Variants in SLC24A2 observed in about 807,000 individuals in gnomAD.
SLC24A2 encodes the protein solute carrier family 24 member 2.
In SLC24A2, 36 loss-of-function variants were observed where a neutral mutation model predicts 62.0. The observed-to-expected ratio is 0.58, with a 90% CI of 0.44 to 0.77. The LOEUF is 0.77. Ranked by LOEUF, SLC24A2 falls within the 30% of genes least tolerant of loss-of-function variation. SLC24A2 has a pLI of 0.00. For missense variants in SLC24A2, 846 were observed against 817.9 expected, an observed-to-expected ratio of 1.03 and a Z score of -0.42; for synonymous variants, 358 against 294.0, an observed-to-expected ratio of 1.22 and a Z score of -2.23.
chr9:20,030,586 C>T, the SLC24A2 span, among the ~76,000 whole-genome samples: 1 of 152,210 alleles, frequency 6.6e-6, no homozygotes, highest in African/African-American at 2.4e-5. Flanking sequence ...ATACTCACAA[C>T]TTTCTGGACA....
At chr9:19,521,839 G>C in intron 9 of SLC24A2, among the ~76,000 whole-genome samples, 1 of 151,714 alleles carries the variant, frequency 6.6e-6, no homozygotes, top group Non-Finnish European at 1.5e-5. Context: ...TGAAAAGCAA[G>C]GGGAGGGTGG....
At chr9:19,881,422 T>C in the SLC24A2 span, among the ~76,000 whole-genome samples, 1 of 152,142 alleles carries the variant, frequency 6.6e-6, no homozygotes, top group Non-Finnish European at 1.5e-5. Context: ...TTAGGCTACA[T>C]AGAGATTTTA....
chr9:19,516,824 T>C (rs1313934126), intron 10 of SLC24A2, among the ~76,000 whole-genome samples: 1 of 151,756 alleles, frequency 6.6e-6, no homozygotes, highest in African/African-American at 2.4e-5. Context: ...GTGGTGAAAA[T>C]GAGGAAAAAA....
At chr9:19,883,568 ATTG>A in the SLC24A2 span, among the ~76,000 whole-genome samples, 2 of 40,378 alleles carry the variant, frequency 5.0e-5, no homozygotes, top group African/African-American at 2.0e-4. Flanking sequence ...GTTTCTGTAC[ATTG>A]TTTTTTTTTT....
chr9:19,531,692 A>ACCCCCCCCCCCCCCC (rs141054914), intron 8 of SLC24A2, among the ~76,000 whole-genome samples: 6 of 121,186 alleles, frequency 5.0e-5, no homozygotes, highest in South Asian at 3.5e-4. Context: ...TTTAACAAAG[A>ACCCCCCCCCCCCCCC]CCCCCCCCCA....
intron 2 of SLC24A2, among the ~76,000 whole-genome samples, chr9:19,780,510 C>A (rs1822981871): frequency 1.3e-5 from 2 of 151,688 alleles, no homozygotes; most frequent in Non-Finnish European, 2.9e-5. Context: ...TTGTGATGCA[C>A]CTGCCTCGGC....
At chr9:19,690,636 C>T (rs1376495804) in intron 2 of SLC24A2, among the ~76,000 whole-genome samples, 2 of 152,146 alleles carry the variant, frequency 1.3e-5, no homozygotes, top group Non-Finnish European at 2.9e-5. Context: ...CTGCCTGAGG[C>T]CTCCTTAGAT....
At chr9:19,865,250 C>G in the SLC24A2 span, among the ~76,000 whole-genome samples, 2 of 151,912 alleles carry the variant, frequency 1.3e-5, no homozygotes, top group Non-Finnish European at 2.9e-5. Flanking sequence ...TTAAAATGTC[C>G]ATACTATCCA....
chr9:19,902,699 G>T, the SLC24A2 span, among the ~76,000 whole-genome samples: 1 of 152,050 alleles, frequency 6.6e-6, no homozygotes, highest in Admixed American at 6.6e-5. Context: ...ATCACATATC[G>T]ATGAATATTA....
intron 2 of SLC24A2, among the ~76,000 whole-genome samples, chr9:19,771,301 T>A (rs1822680120): frequency 6.6e-6 from 1 of 152,230 alleles, no homozygotes. Context: ...CAACACTATC[T>A]TGTCCTGTTC....
chr9:20,222,331 T>C, the SLC24A2 span, among the ~76,000 whole-genome samples: 12 of 151,866 alleles, frequency 7.9e-5, no homozygotes, highest in African/African-American at 2.7e-4. Context: ...AATGAAAGGA[T>C]AGAAATAAAC....
intron 2 of SLC24A2, among the ~76,000 whole-genome samples, chr9:19,660,745 G>A (rs1353880391): frequency 6.6e-6 from 1 of 152,168 alleles, no homozygotes; most frequent in Admixed American, 6.6e-5. Flanking sequence ...AAAGGAAAGT[G>A]TATTCTAGAA....
chr9:19,608,805 C>A (rs923875332), intron 4 of SLC24A2, among the ~76,000 whole-genome samples: 3 of 152,058 alleles, frequency 2.0e-5, no homozygotes, highest in Non-Finnish European at 4.4e-5. Flanking sequence ...CACACACACA[C>A]ACACACACGC....
intron 7 of SLC24A2, among the ~76,000 whole-genome samples, chr9:19,562,235 CAT>C (rs1226221726): frequency 6.6e-6 from 1 of 151,984 alleles, no homozygotes; most frequent in Non-Finnish European, 1.5e-5. Flanking sequence ...ACTGGAGAAA[CAT>C]AAAAAATAAT....
chr9:20,202,021 CT>C, the SLC24A2 span, among the ~76,000 whole-genome samples: 1 of 150,900 alleles, frequency 6.6e-6, no homozygotes, highest in Non-Finnish European at 1.5e-5. Flanking sequence ...TCGCCAGAAT[CT>C]TTTTCTAGCC....
chr9:19,565,534 C>T (rs9695026), intron 7 of SLC24A2, among the ~76,000 whole-genome samples: 137,566 of 149,386 alleles, frequency 0.92, 63,424 homozygotes, highest in East Asian at 1. Context: ...AAAATGGCCA[C>T]ACTGCCCAAG....
At chr9:19,533,003 T>C (rs1271582278) in intron 8 of SLC24A2, among the ~76,000 whole-genome samples, 1 of 152,236 alleles carries the variant, frequency 6.6e-6, no homozygotes, top group East Asian at 1.9e-4. Context: ...TCTTTTACTT[T>C]GGAAACAAAG....
At chr9:20,013,121 G>C in the SLC24A2 span, among the ~76,000 whole-genome samples, 1 of 152,164 alleles carries the variant, frequency 6.6e-6, no homozygotes, top group South Asian at 2.1e-4. Flanking sequence ...AAAGAACAAA[G>C]CTGAAGGCAT....
chr9:19,537,187 G>A (rs1266216780), intron 8 of SLC24A2, among the ~76,000 whole-genome samples: 1 of 147,690 alleles, frequency 6.8e-6, no homozygotes, highest in Non-Finnish European at 1.5e-5. Context: ...CTTTTGCTGT[G>A]CAGAAGCTCT....
Sources: allele counts gnomAD v4.1 joint callset (sites outside exome capture counted in the v4.1 genomes callset), GRCh38; gene constraint gnomAD v4.1.1; transcripts MANE v1.5; gene names NCBI Gene and HGNC (gene_info 2026-07-23, HGNC 2026-07-21).